Variants in GPC5 observed in about 807,000 individuals in gnomAD.
GPC5 encodes the protein glypican 5.
In GPC5, 47 loss-of-function variants were observed where a neutral mutation model predicts 53.9. The ratio of observed to expected loss-of-function variants is 0.87; its 90% confidence interval spans 0.69 to 1.11. GPC5 has a LOEUF of 1.11. Ranked by LOEUF, GPC5 falls within the 50% of genes most tolerant of loss-of-function variation. GPC5 has a pLI of 0.00. For missense variants in GPC5, 748 were observed against 713.1 expected (o/e 1.05, Z -0.56); for synonymous variants, 286 against 263.3 (o/e 1.09, Z -0.84).
intron 5 of GPC5, among the ~76,000 whole-genome samples, chr13:91,816,658 T>G (rs2138819639): frequency 6.6e-6 from 1 of 152,342 alleles, no homozygotes; most frequent in South Asian, 2.1e-4. Flanking sequence ...TAGTAGTTAG[T>G]ATGTAATAAT....
chr13:92,275,198 A>G (rs1287703992), intron 7 of GPC5, among the ~76,000 whole-genome samples: 2 of 152,168 alleles, frequency 1.3e-5, no homozygotes, highest in Non-Finnish European at 2.9e-5. Context: ...ATAGATATTA[A>G]TTGATTCATT....
intron 1 of GPC5, among the ~76,000 whole-genome samples, chr13:91,443,631 C>A (rs929562108): frequency 1.3e-5 from 2 of 152,160 alleles, no homozygotes; most frequent in Non-Finnish European, 2.9e-5. Context: ...AAGAATGAGT[C>A]ATTTCTTCAA....
At chr13:92,135,309 G>A (rs2041775192) in intron 6 of GPC5, among the ~76,000 whole-genome samples, 1 of 152,076 alleles carries the variant, frequency 6.6e-6, no homozygotes, top group East Asian at 1.9e-4. Context: ...GAGAACATTT[G>A]GCGTGTACTC....
chr13:92,716,401 A>C (rs1888328660), intron 7 of GPC5, among the ~76,000 whole-genome samples: 1 of 151,690 alleles, frequency 6.6e-6, no homozygotes, highest in Admixed American at 6.6e-5. Context: ...CTCATCTTTC[A>C]AGATTCAGCT....
At chr13:91,855,588 A>G (rs2038958764) in intron 5 of GPC5, among the ~76,000 whole-genome samples, 1 of 151,698 alleles carries the variant, frequency 6.6e-6, no homozygotes, top group Admixed American at 6.6e-5. Flanking sequence ...ATTAACATGT[A>G]GAATCAAATC....
At chr13:92,059,805 A>C (rs891740635) in intron 6 of GPC5, 1 of 151,788 alleles carries the variant, frequency 6.6e-6, no homozygotes, top group Non-Finnish European at 1.5e-5. Flanking sequence ...ATAGAGGTAT[A>C]AGTATAAGTA....
At chr13:91,809,782 T>C (rs545032236) in intron 5 of GPC5, among the ~76,000 whole-genome samples, 2 of 151,994 alleles carry the variant, frequency 1.3e-5, no homozygotes, top group African/African-American at 4.8e-5. Context: ...CTCTACAAAA[T>C]TTTAAATATA....
chr13:92,492,361 G>A lies in GPC5; in HGVS notation c.1561+347372G>A, dbSNP rs545667136. 7.2e-4 allele frequency among the ~76,000 whole-genome samples: 110 copies of A among 151,898 alleles called. 2 individuals are homozygous for A. The highest frequency in any genetic ancestry group is 2.4e-3 in the African/African-American group (101 of 41,410). ...GCCTGTTGTGGGGTGGGAGAGGGGG[G>A]AGGGATAGCAATAGGAGATATACCT... On this transcript the variant is annotated intron_variant, in intron 7 of 7. Coordinates refer to ENST00000377067, the MANE Select transcript of GPC5 (RefSeq NM_004466.6).
At chr13:92,518,579 A>G in intron 7 of GPC5, among the ~76,000 whole-genome samples, 1 of 152,228 alleles carries the variant, frequency 6.6e-6, no homozygotes, top group East Asian at 1.9e-4. Context: ...GCAAATGCTG[A>G]GAGATTTTGT....
chr13:92,711,534 G>A (rs986029213), intron 7 of GPC5, among the ~76,000 whole-genome samples: 2 of 151,834 alleles, frequency 1.3e-5, no homozygotes, highest in Non-Finnish European at 2.9e-5. Flanking sequence ...CTCACTAATC[G>A]ATAGAACAAC....
intron 2 of GPC5, among the ~76,000 whole-genome samples, chr13:91,613,010 TA>T (rs2033600150): frequency 6.6e-6 from 1 of 152,148 alleles, no homozygotes; most frequent in Non-Finnish European, 1.5e-5. Context: ...CACCACATAT[TA>T]AAAGGGGAAC....
At chr13:91,888,018 T>G (rs2039344400) in intron 5 of GPC5, among the ~76,000 whole-genome samples, 1 of 152,194 alleles carries the variant, frequency 6.6e-6, no homozygotes, top group Non-Finnish European at 1.5e-5. Flanking sequence ...CCAGTACCAA[T>G]TACTGTCTTC....
At chr13:92,676,120 A>T (rs1254104210) in intron 7 of GPC5, among the ~76,000 whole-genome samples, 2 of 152,200 alleles carry the variant, frequency 1.3e-5, no homozygotes, top group Non-Finnish European at 2.9e-5. Context: ...TAAGGAAATT[A>T]TATCAAACAT....
intron 7 of GPC5, among the ~76,000 whole-genome samples, chr13:92,620,587 TA>T (rs1884838637): frequency 6.6e-6 from 1 of 152,182 alleles, no homozygotes; most frequent in African/African-American, 2.4e-5. Context: ...CTAGAAATAC[TA>T]CCAAAAGCTA....
At chr13:91,475,119 C>T (rs559991432) in intron 2 of GPC5, among the ~76,000 whole-genome samples, 75 of 151,798 alleles carry the variant, frequency 4.9e-4, no homozygotes, top group African/African-American at 1.8e-3. Flanking sequence ...TCTTTTTTTC[C>T]CTAATTATGA....
intron 7 of GPC5, among the ~76,000 whole-genome samples, chr13:92,695,559 C>T (rs1007736096): frequency 7.2e-5 from 11 of 151,936 alleles, no homozygotes; most frequent in African/African-American, 1.7e-4. Flanking sequence ...ATACTATGCC[C>T]AGAAGAAGTG....
rs199599275 is a variant in GPC5 at position 91,756,075 on chromosome 13, G to A, written c.1155-220G>A. On this transcript the variant is annotated intron_variant, in intron 4 of 7. Coordinates refer to ENST00000377067, the MANE Select transcript of GPC5 (RefSeq NM_004466.6). Reference sequence around the variant, plus strand: ...AAACTAAAATACTAGCTTTTTTTTTGAAAAAAAAAAAAAAGTAATGTATTT... The same window carrying A: ...AAACTAAAATACTAGCTTTTTTTTTAAAAAAAAAAAAAAAGTAATGTATTT... Among the ~76,000 whole-genome samples, 457 of 140,504 alleles carry A rather than the reference G, an allele frequency of 3.3e-3. 1 individual carries two copies. The highest frequency in any genetic ancestry group is 4.4e-3 in the African/African-American group (166 of 37,928). The allele number at this position is 140,504 out of a possible 152,430, so 92.2% of individuals were successfully genotyped here.
At chr13:92,700,879 T>TTCTC (rs1566371255) in intron 7 of GPC5, among the ~76,000 whole-genome samples, 1 of 152,088 alleles carries the variant, frequency 6.6e-6, no homozygotes. Context: ...ATTCAGATCA[T>TTCTC]TCTCTGTCTT....
intron 7 of GPC5, among the ~76,000 whole-genome samples, chr13:92,795,226 C>T (rs1394406813): frequency 6.6e-6 from 1 of 151,936 alleles, no homozygotes; most frequent in East Asian, 1.9e-4. Flanking sequence ...GCATAAATAA[C>T]ACCACACATC....
Sources: gnomAD v4.1 joint callset for allele counts (sites outside exome capture counted in the v4.1 genomes callset) on GRCh38, gnomAD v4.1.1 for gene constraint, MANE v1.5 for transcripts, NCBI Gene and HGNC (gene_info 2026-07-23, HGNC 2026-07-21) for gene names.